MYRIP: variants seen among roughly 807,000 people sequenced by gnomAD.
MYRIP encodes the protein rab effector MyRIP.
A neutral mutation model predicts 98.0 loss-of-function variants in MYRIP; 49 were observed. The ratio of observed to expected loss-of-function variants is 0.50; its 90% confidence interval spans 0.40 to 0.63. The LOEUF (loss-of-function observed/expected upper bound fraction) is 0.63, where lower values mean the gene tolerates loss of function less well. MYRIP is among the 30% of genes least tolerant of loss of function. MYRIP has a pLI of 0.00. For synonymous variants in MYRIP, 404 were observed against 409.5 expected, an observed-to-expected ratio of 0.99 and a Z score of 0.16; for missense variants, 1,004 against 1,058.2, an observed-to-expected ratio of 0.95 and a Z score of 0.71.
chr3:40,061,305 G>A (rs1403976073), intron 3 of MYRIP, among the ~76,000 whole-genome samples: 4 of 152,134 alleles, frequency 2.6e-5, no homozygotes, highest in African/African-American at 9.7e-5. Context: ...TCATCATTTA[G>A]CTTCCACCTA....
chr3:39,888,726 A>G (rs1943389119), intron 1 of MYRIP, among the ~76,000 whole-genome samples: 1 of 152,194 alleles, frequency 6.6e-6, no homozygotes, highest in African/African-American at 2.4e-5. Flanking sequence ...AGAAACTACC[A>G]TCAGAGTGAA....
chr3:40,043,208 T>C (rs1480388881), intron 2 of MYRIP, among the ~76,000 whole-genome samples: 2 of 152,210 alleles, frequency 1.3e-5, no homozygotes, highest in African/African-American at 4.8e-5. Context: ...ACTAAAATAG[T>C]AAAAATTATA....
chr3:40,057,257 A>G (rs970526471), intron 3 of MYRIP, among the ~76,000 whole-genome samples: 2 of 152,078 alleles, frequency 1.3e-5, no homozygotes, highest in South Asian at 4.1e-4. Flanking sequence ...AAACAGTCCT[A>G]TGTCAAAAGC....
At chr3:40,181,952 G>A (rs1396531917) in intron 8 of MYRIP, among the ~76,000 whole-genome samples, 1 of 152,148 alleles carries the variant, frequency 6.6e-6, no homozygotes, top group Non-Finnish European at 1.5e-5. Context: ...CGCAAGAGTG[G>A]TGGATAAGAA....
chr3:39,985,166 GAC>G (rs1023336470), intron 2 of MYRIP, among the ~76,000 whole-genome samples: 6 of 151,360 alleles, frequency 4.0e-5, no homozygotes, highest in Non-Finnish European at 8.8e-5. Flanking sequence ...ACCAACAACA[GAC>G]AAACAGAGAG....
chr3:40,162,821 T>G lies in MYRIP; in HGVS notation c.550+11T>G, dbSNP rs757966924. 6.2e-7 allele frequency: 1 copy of G among 1,611,504 alleles called. No individual in the cohort carries two copies. The highest frequency in any genetic ancestry group is 8.5e-7 in the Non-Finnish European group (1 of 1,177,666). ...ATAGGCAGTCAGAAGGTAAAGTTGCTTAAGAGTTTACAGCTACTGGGAAGT... is the reference window on the plus strand; with the variant it reads ...ATAGGCAGTCAGAAGGTAAAGTTGCGTAAGAGTTTACAGCTACTGGGAAGT... On this transcript the variant is annotated intron_variant, in intron 5 of 16. Transcript: ENST00000302541.
Position 40,183,806 on chromosome 3 carries a change from G to A in MYRIP, c.1027+1433G>A, listed in dbSNP as rs183600292. 2.8e-4 allele frequency among the ~76,000 whole-genome samples: 42 copies of A among 152,302 alleles called. 1 individual carries two copies. Among genetic ancestry groups the A allele is most frequent in the African/African-American group, 1.0e-3 (42 of 41,566 alleles). ...AAAACAACAAAAAAGATTAACAGCA[G>A]CATAGCCATCCTAGTAATAAGCTTT... On this transcript the variant is annotated intron_variant, in intron 9 of 16. Transcript: ENST00000302541.
chr3:40,058,301 A>T (rs982016444), intron 3 of MYRIP, among the ~76,000 whole-genome samples: 1 of 152,182 alleles, frequency 6.6e-6, no homozygotes, highest in African/African-American at 2.4e-5. Context: ...GACTCAAGTC[A>T]TCATCTAATA....
At chr3:40,084,324 G>A (rs1035625648) in intron 3 of MYRIP, among the ~76,000 whole-genome samples, 3 of 58,502 alleles carry the variant, frequency 5.1e-5, no homozygotes, top group African/African-American at 1.5e-4. Flanking sequence ...ATTATATATC[G>A]ATAGATAATA....
intron 10 of MYRIP, among the ~76,000 whole-genome samples, chr3:40,202,229 T>G (rs1463587967): frequency 6.6e-6 from 1 of 152,164 alleles, no homozygotes; most frequent in Non-Finnish European, 1.5e-5. Context: ...TGTTGAAAGT[T>G]ATCCTTTATC....
Position 40,166,879 on chromosome 3 carries a change from T to C in MYRIP, c.584T>C (p.Leu195Pro), listed in dbSNP as rs530820987. The C allele has an allele frequency of 6.2e-7, 1 of 1,614,026 alleles. No homozygotes were observed. The highest frequency in any genetic ancestry group is 1.3e-5 in the African/African-American group (1 of 75,030). ...GTGATGGACACCTTGGCTGTGGCCC[T>C]ACGGGTGGCTGAAGAGGCCATTGAG... ...HSVMDTLAVA[L>P]RVAEEAIEEA... The change falls in exon 6 of 17, where the codon CTA becomes CCA. Residue 195 changes from leucine to proline, a missense_variant. Transcript: ENST00000302541.
chr3:40,062,739 GC>G (rs1402864976), intron 3 of MYRIP, among the ~76,000 whole-genome samples: 1 of 152,116 alleles, frequency 6.6e-6, no homozygotes, highest in Non-Finnish European at 1.5e-5. Context: ...AAATATAATT[GC>G]CTGTTCATTT....
intron 3 of MYRIP, chr3:40,071,288 G>C: frequency 1.3e-6 from 1 of 743,966 alleles, no homozygotes; most frequent in Non-Finnish European, 1.6e-6. Context: ...CTGGATCAGG[G>C]GATTCAGACA....
intron 3 of MYRIP, among the ~76,000 whole-genome samples, chr3:40,088,493 C>A (rs2125879997): frequency 6.6e-6 from 1 of 152,300 alleles, no homozygotes; most frequent in Non-Finnish European, 1.5e-5. Context: ...TGGCCCAGTG[C>A]CTGCTCTGTG....
intron 3 of MYRIP, among the ~76,000 whole-genome samples, chr3:40,136,941 A>G (rs4676469): frequency 0.09 from 13,644 of 152,008 alleles, 1,241 homozygotes; most frequent in African/African-American, 0.23. Flanking sequence ...GGAAAGATCT[A>G]AAATGGACAC....
intron 4 of MYRIP, among the ~76,000 whole-genome samples, chr3:40,160,959 T>A (rs990981476): frequency 6.6e-5 from 10 of 152,170 alleles, no homozygotes; most frequent in Admixed American, 5.9e-4. Context: ...AAATCACCCG[T>A]CTTCTGCGTC....
chr3:40,092,142 C>T (rs1948746065), intron 3 of MYRIP, among the ~76,000 whole-genome samples: 2 of 152,190 alleles, frequency 1.3e-5, no homozygotes, highest in Admixed American at 1.3e-4. Flanking sequence ...CAGAGCCCCT[C>T]ACACTGGATG....
chr3:40,192,956 G>C (rs949840236), intron 10 of MYRIP, among the ~76,000 whole-genome samples: 11 of 152,184 alleles, frequency 7.2e-5, no homozygotes, highest in African/African-American at 2.7e-4. Flanking sequence ...CTGTAGTATG[G>C]TAATGAGGAA....
chr3:40,058,713 G>GA (rs147295305), intron 3 of MYRIP, among the ~76,000 whole-genome samples: 25,126 of 151,812 alleles, frequency 0.17, 1,983 homozygotes, highest in East Asian at 0.2. Context: ...TCACCATTTT[G>GA]AACATGGTAC....
Sources: gnomAD v4.1 joint callset for allele counts (sites outside exome capture counted in the v4.1 genomes callset) on GRCh38, gnomAD v4.1.1 for gene constraint, MANE v1.5 for transcripts, NCBI Gene and HGNC (gene_info 2026-07-23, HGNC 2026-07-21) for gene names.